Variants in SPAG5 observed in about 807,000 individuals in gnomAD.
The protein encoded by SPAG5 is sperm associated antigen 5.
Under a neutral mutation model 145.4 loss-of-function variants are expected in SPAG5, and 99 were observed. The ratio of observed to expected loss-of-function variants is 0.68; its 90% CI spans 0.58 to 0.80. SPAG5 has a LOEUF of 0.80. Among genes scored for constraint, SPAG5 ranks in the 30% least tolerant of loss-of-function variants. The pLI is 0.00. For synonymous variants in SPAG5, 477 were observed against 525.4 expected, an observed-to-expected ratio of 0.91 and a Z score of 1.26; for missense variants, 1,192 against 1,416.0, an observed-to-expected ratio of 0.84 and a Z score of 2.54.
chr17:28,590,400 T>C (rs554707343), intron 4 of SPAG5, among the ~76,000 whole-genome samples: 4 of 152,060 alleles, frequency 2.6e-5, no homozygotes, highest in Non-Finnish European at 5.9e-5. Flanking sequence ...AGCTAATTTT[T>C]GTATTTTTTT....
In SPAG5 at chr17:28,584,190, A is replaced by G. The variant is rs763748593; in HGVS notation, c.2372T>C (p.Val791Ala). 9.3e-6 allele frequency: 15 copies of G among 1,613,920 alleles called. No homozygotes were observed. The highest frequency in any genetic ancestry group is 3.3e-4 in the Middle Eastern group (2 of 6,084). The part of the protein sequence containing the change: ...MQAELQQQQA[V>A]LAKEVRDLKE... ...CAGGTCCCGCACCTCTTTGGCCAGG[A>G]CAGCTTGTTGCTGCTGCAGTTCTGC... Residue 791 changes from valine to alanine, a missense_variant, in exon 13 of 24, where the codon GTC becomes GCC. By Grantham distance (64) the Val-to-Ala change is moderately conservative. This residue lies in a region of SPAG5 where 709 missense variants were observed against 840.7 expected (regional missense o/e 0.84). Transcript: ENST00000321765.
rs556632334 is a variant in SPAG5 at position 28,590,741 on chromosome 17, C to T, written c.1437+957G>A. Among the ~76,000 whole-genome samples, 4 of 151,718 alleles carry T rather than the reference C, an allele frequency of 2.6e-5. No individual in the cohort carries two copies. In the East Asian group the frequency reaches 5.8e-4, roughly 22 times the overall value. ...AAAATTAGCCGGGTGGGGTGGCATG[C>T]GCTTGTAGTCCCAGCTACTCAGGAG... On this transcript the variant is annotated intron_variant, in intron 4 of 23. Coordinates refer to ENST00000321765, the MANE Select transcript of SPAG5 (RefSeq NM_006461.4).
rs551674080 is a variant in SPAG5, at chr17:28,590,609, G to A, written c.1437+1089C>T. Among the ~76,000 whole-genome samples, 25 of 152,076 alleles carry A rather than the reference G, an allele frequency of 1.6e-4. 1 individual carries two copies. The South Asian group carries it at 3.1e-3, about 19-fold the overall frequency. Reference sequence around the variant, plus strand: ...ACAGGGGCCAGGCGCAGTGGCTCACGCCTGTAATCCCAGCACTTTGGGAGG... The same window carrying A: ...ACAGGGGCCAGGCGCAGTGGCTCACACCTGTAATCCCAGCACTTTGGGAGG... On this transcript the variant is annotated intron_variant, in intron 4 of 23. Coordinates refer to ENST00000321765, the MANE Select transcript of SPAG5 (RefSeq NM_006461.4).
rs750879771 is a variant in SPAG5, at chr17:28,592,280, C to CT, written c.963dup (p.Gly322ArgfsTer9). 1 of 1,614,198 alleles carries CT rather than the reference C, an allele frequency of 6.2e-7. No homozygotes were observed. Among genetic ancestry groups the CT allele is most frequent in the South Asian group, 1.1e-5 (1 of 91,082 alleles). ...CTACCAACATCTTCTACTGCTGGGC[C>CT]TGGAGCTTCTTGGGATTCCATTTCT... is the stretch of plus-strand genomic sequence containing the variant. On this transcript the variant is annotated frameshift_variant, in exon 3 of 24. Coordinates refer to ENST00000321765, the MANE Select transcript of SPAG5 (RefSeq NM_006461.4). LOFTEE classifies it high-confidence loss of function.
Position 28,592,640 on chromosome 17 carries a change from A to T in SPAG5, c.604T>A (p.Leu202Ile), listed in dbSNP as rs775196392. 3.1e-6 allele frequency: 5 copies of T among 1,614,038 alleles called. No individual in the cohort carries two copies. The East Asian group carries it at 8.9e-5, about 29-fold the overall frequency. ...CAGGGATTTGGTGGAGACTCCTCTA[A>T]GAGATGGGACGGAGATTCCTGAAAG... ...PIFQESPSHL[L>I]EESPPNPCSE... The change falls in exon 3 of 24, where the codon TTA (leucine) becomes ATA (isoleucine). Residue 202 changes from leucine to isoleucine, a missense_variant. Transcript: ENST00000321765.
At chr17:28,595,962 G>A (rs2070661770) in intron 2 of SPAG5, among the ~76,000 whole-genome samples, 1 of 152,038 alleles carries the variant, frequency 6.6e-6, no homozygotes, top group Non-Finnish European at 1.5e-5. Flanking sequence ...CAAGAGAATT[G>A]CATGAACCTG....
At position 28,592,658 on chromosome 17, in the gene SPAG5, C is replaced by T. The variant is rs563369968; in HGVS notation, c.586G>A (p.Glu196Lys). The change falls in exon 3 of 24, where the codon GAA becomes AAA. Residue 196 changes from glutamate (E) to lysine (K), a missense_variant. Transcript: ENST00000321765. ...TCCTCTAAGAGATGGGACGGAGATT[C>T]CTGAAAGATAGGTTTCTCAGATACA... ...AAVSEKPIFQ[E>K]SPSHLLEESP... 9 of 1,614,168 alleles carry T rather than the reference C, an allele frequency of 5.6e-6. No individual in the cohort carries two copies. In the South Asian group the frequency reaches 9.9e-5, roughly 18 times the overall value.
At chr17:28,579,289 C>T in intron 18 of SPAG5, 37 bp from the exon 19 acceptor site, 1 of 1,613,708 alleles carries the variant, frequency 6.2e-7, no homozygotes, top group African/African-American at 1.3e-5. Flanking sequence ...TTCCTGTCCT[C>T]TCAGGGATCA....
At chr17:28,579,277 C>G in intron 18 of SPAG5, 25 bp from the exon 19 acceptor site, 1 of 1,613,832 alleles carries the variant, frequency 6.2e-7, no homozygotes, top group Non-Finnish European at 8.5e-7. Context: ...AATTTAGCAA[C>G]ATTCCTGTCC....
At chr17:28,584,071 AACCTT>A in intron 13 of SPAG5, 74 bp downstream of exon 13, 1 of 1,608,670 alleles carries the variant, frequency 6.2e-7, no homozygotes, top group South Asian at 1.1e-5. Context: ...CACAGTCTCA[AACCTT>A]ACCTCAACAC....
chr17:28,579,666 C>A, intron 17 of SPAG5, 85 bp downstream of exon 17: 1 of 1,432,276 alleles, frequency 7.0e-7, no homozygotes, highest in Non-Finnish European at 9.8e-7. Flanking sequence ...GTTTTTAGAG[C>A]AAAGCACTTC....
In SPAG5 at chr17:28,592,589, C is replaced by T. The variant is rs1166939851; in HGVS notation, c.655G>A (p.Glu219Lys). Residue 219 changes from glutamate to lysine, a missense_variant, in exon 3 of 24, where the codon GAA (glutamate) becomes AAA (lysine). Transcript: ENST00000321765. ...GCCTCAGTTCTACTGCTCAGGCTTT[C>T]CTTGGAGCAATGTAGTTGTTCAGAA... Reference protein sequence around the residue: ...PCSEQLHCSKESLSSRTEAVR... With the variant: ...PCSEQLHCSKKSLSSRTEAVR... 2 of 1,614,186 alleles carry T rather than the reference C, an allele frequency of 1.2e-6. No homozygotes were observed. Among genetic ancestry groups the T allele is most frequent in the Non-Finnish European group, 1.7e-6 (2 of 1,180,044 alleles).
At chr17:28,597,173 T>G (rs868188477) in intron 2 of SPAG5, among the ~76,000 whole-genome samples, 1 of 152,098 alleles carries the variant, frequency 6.6e-6, no homozygotes, top group Non-Finnish European at 1.5e-5. Context: ...TCCCAGCACT[T>G]TGGGAGGCCG....
At position 28,579,384 on chromosome 17, in the gene SPAG5, T is replaced by C. The variant is rs1281261362; in HGVS notation, c.2986A>G (p.Arg996Gly). The C allele has an allele frequency of 1.9e-6, 3 of 1,614,222 alleles. No individual in the cohort carries two copies. Among genetic ancestry groups the C allele is most frequent in the Admixed American group, 1.7e-5 (1 of 60,016 alleles). The change falls in exon 18 of 24, where the codon AGG becomes GGG. Residue 996 changes from arginine to glycine, a missense_variant. Physicochemically the swap from Arg to Gly is moderately radical, Grantham distance 125 (BLOSUM62 -2). Coordinates refer to ENST00000321765, the MANE Select transcript of SPAG5 (RefSeq NM_006461.4). ...LLQESKEEAI[R>G]TLQRKICELQ... ...ACTCACATTTTTCGCTGCAGAGTCC[T>C]GATGGCTTCTTCTTTAGACTCTTGT...
intron 2 of SPAG5, among the ~76,000 whole-genome samples, chr17:28,593,856 CAA>C (rs1251728039): frequency 1.3e-5 from 2 of 151,650 alleles, no homozygotes; most frequent in African/African-American, 4.8e-5. Context: ...AATACACACA[CAA>C]AGACATTTTA....
Position 28,592,736 on chromosome 17 carries a change from C to T in SPAG5, c.508G>A (p.Val170Met), listed in dbSNP as rs1371741790. ...ATGCAGGGTGCCACCTCCTCTCTCA[C>T]CAGATCGTCTGTTCTCAAAGGTCCA... The part of the protein sequence containing the change: ...LNGPLRTDDL[V>M]REEVAPCMGD... The change falls in exon 3 of 24, where the codon GTG (valine) becomes ATG (methionine). Residue 170 changes from valine (V) to methionine (M), a missense_variant. By Grantham distance (21) the Val-to-Met change is conservative. Transcript: ENST00000321765. The T allele has an allele frequency of 6.2e-7, 1 of 1,614,092 alleles. No homozygotes were observed. Among genetic ancestry groups the T allele is most frequent in the East Asian group, 2.2e-5 (1 of 44,908 alleles).
In SPAG5 at chr17:28,585,978, C is replaced by T; in HGVS notation, c.1626G>A (p.Leu542=). ...VSQESRRAET[L]VCCCFDLLKK... The stretch of plus-strand genomic sequence containing the variant: ...TCAGCAAATCAAAACAGCAACAGAC[C>T]AATGTTTCTGCACGCCGAGACTATA... The change falls in exon 7 of 24, where the codon TTG becomes TTA. Residue 542 remains leucine (L), a synonymous_variant. Transcript: ENST00000321765. 1.2e-6 allele frequency: 2 copies of T among 1,614,168 alleles called. No homozygotes were observed. Among genetic ancestry groups the T allele is most frequent in the Non-Finnish European group, 1.7e-6 (2 of 1,180,032 alleles).
At chr17:28,584,998 C>A in intron 10 of SPAG5, 104 bp downstream of exon 10, 1 of 1,170,390 alleles carries the variant, frequency 8.5e-7, no homozygotes, top group Non-Finnish European at 1.3e-6. Flanking sequence ...GGCTGGCCTC[C>A]AAACCCACAG....
intron 11 of SPAG5, 21 bp downstream of exon 11, chr17:28,584,629 TAC>T (rs112114466): frequency 6.8e-3 from 9,412 of 1,383,060 alleles, no homozygotes; most frequent in Non-Finnish European, 8.1e-3. Flanking sequence ...CATGCATGCA[TAC>T]ACACACACAC....
Sources: gnomAD v4.1 joint callset for allele counts (sites outside exome capture counted in the v4.1 genomes callset) on GRCh38, gnomAD v4.1.1 for gene constraint, gnomAD v4.1.1 regional missense constraint, MANE v1.5 for transcripts, NCBI Gene and HGNC (gene_info 2026-07-23, HGNC 2026-07-21) for gene names.